Variants in LRRC7 observed in about 807,000 individuals in gnomAD.
The protein encoded by LRRC7 is leucine-rich repeat-containing protein 7.
A neutral mutation model predicts 175.7 loss-of-function variants in LRRC7; 23 were observed. The observed-to-expected ratio is 0.13, with a 90% CI of 0.09 to 0.19. The LOEUF is 0.19. Ranked by LOEUF, LRRC7 falls within the 10% of genes least tolerant of loss-of-function variation. LRRC7 has a pLI of 1.00. For missense variants in LRRC7, 1,354 were observed against 1,904.7 expected (o/e 0.71, Z 5.38); for synonymous variants, 685 against 680.9 (o/e 1.01, Z -0.09).
At chr1:69,930,285 TAC>T (rs1647245605) in intron 7 of LRRC7, among the ~76,000 whole-genome samples, 1 of 152,020 alleles carries the variant, frequency 6.6e-6, no homozygotes, top group Non-Finnish European at 1.5e-5. Context: ...GAAGAAAGAG[TAC>T]ATAATTTTTT....
chr1:69,748,739 A>G (rs572724723), intron 2 of LRRC7, among the ~76,000 whole-genome samples: 43 of 152,262 alleles, frequency 2.8e-4, no homozygotes, highest in Non-Finnish European at 5.9e-4. Context: ...AATATATTCA[A>G]GGATCAGGTA....
intron 1 of LRRC7, among the ~76,000 whole-genome samples, chr1:69,639,083 G>C (rs1372989603): frequency 6.6e-6 from 1 of 151,650 alleles, no homozygotes; most frequent in Non-Finnish European, 1.5e-5. Flanking sequence ...TTTGTCAAAG[G>C]AGGAAAACTG....
chr1:70,038,204 G>A lies in LRRC7; in HGVS notation c.2380G>A (p.Asp794Asn). The A allele has an allele frequency of 6.2e-7, 1 of 1,614,110 alleles. No individual in the cohort carries two copies. Among genetic ancestry groups the A allele is most frequent in the South Asian group, 1.1e-5 (1 of 91,078 alleles). The stretch of plus-strand genomic sequence containing the variant: ...CCCAGGCAATATACCACAGCGTCCT[G>A]ACCGGCTGCCCATGAGTGATACTTT... The part of the protein sequence containing the change: ...VPPGNIPQRP[D>N]RLPMSDTFTD... The change falls in exon 21 of 27, where the codon GAC becomes AAC. Residue 794 changes from aspartate (D) to asparagine (N), a missense_variant. By Grantham distance (23) the Asp-to-Asn change is conservative. Around this residue, in one of 4 missense-constraint regions of LRRC7, gnomAD observed 1,032 missense variants for 1,227.2 expected, o/e 0.84. Transcript: ENST00000651989.
intron 10 of LRRC7, among the ~76,000 whole-genome samples, chr1:69,994,315 C>T (rs189168665): frequency 3.4e-4 from 51 of 152,194 alleles, no homozygotes; most frequent in Non-Finnish European, 4.9e-4. Flanking sequence ...GTATGTGGAG[C>T]TGTATGTTTT....
At chr1:69,844,880 TA>T (rs1301979510) in intron 7 of LRRC7, among the ~76,000 whole-genome samples, 7 of 152,146 alleles carry the variant, frequency 4.6e-5, no homozygotes, top group Admixed American at 3.3e-4. Context: ...AAAATAAAGA[TA>T]AAAACACTTT....
intron 7 of LRRC7, among the ~76,000 whole-genome samples, chr1:69,902,382 C>A (rs1290186699): frequency 6.6e-6 from 1 of 152,082 alleles, no homozygotes; most frequent in Non-Finnish European, 1.5e-5. Flanking sequence ...CCAGCCTGGG[C>A]AACGTGGTAA....
At chr1:69,677,192 T>C (rs1659874181) in intron 1 of LRRC7, among the ~76,000 whole-genome samples, 1 of 148,348 alleles carries the variant, frequency 6.7e-6, no homozygotes. Flanking sequence ...ATATTCTACA[T>C]ATATATACCC....
Position 69,568,448 on chromosome 1 carries a change from T to C in LRRC7, c.-192T>C, listed in dbSNP as rs1272436954. On this transcript the variant is annotated 5_prime_UTR_variant, in exon 1 of 27. It removes an upstream start codon present in the reference 5' UTR. Coordinates refer to ENST00000651989, the MANE Select transcript of LRRC7 (RefSeq NM_001370785.2). ...GTCCACCTGAAGGGCACTGGCATCA[T>C]GGTCTAACGTGGCACCTTCCTGGAT... 9.2e-6 allele frequency: 3 copies of C among 324,548 alleles called. No homozygotes were observed. Among genetic ancestry groups the C allele is most frequent in the East Asian group, 3.3e-4 (2 of 6,076 alleles). 20.1% of individuals were successfully genotyped at this position (324,548 alleles called of 1,614,324 possible).
At chr1:69,672,183 A>G (rs1659175983) in intron 1 of LRRC7, among the ~76,000 whole-genome samples, 1 of 152,130 alleles carries the variant, frequency 6.6e-6, no homozygotes, top group South Asian at 2.1e-4. Context: ...GCGTCCTATC[A>G]GGGTGGGGTG....
chr1:69,784,180 C>A (rs1024725407), intron 3 of LRRC7, among the ~76,000 whole-genome samples: 3 of 152,094 alleles, frequency 2.0e-5, no homozygotes, highest in African/African-American at 7.2e-5. Flanking sequence ...GATAAACACA[C>A]AAATCCAAAC....
chr1:69,680,884 G>A (rs922932965), intron 2 of LRRC7, among the ~76,000 whole-genome samples: 2 of 152,004 alleles, frequency 1.3e-5, no homozygotes, highest in Admixed American at 6.6e-5. Context: ...AATTAAGGGA[G>A]ATATTTATAT....
At chr1:69,662,829 G>A (rs1657678773) in intron 1 of LRRC7, among the ~76,000 whole-genome samples, 1 of 152,228 alleles carries the variant, frequency 6.6e-6, no homozygotes, top group Non-Finnish European at 1.5e-5. Flanking sequence ...CTGGTCTGGG[G>A]TTTGGTTCAC....
At chr1:70,078,698 C>T (rs933793726) in intron 24 of LRRC7, among the ~76,000 whole-genome samples, 3 of 151,994 alleles carry the variant, frequency 2.0e-5, no homozygotes, top group Non-Finnish European at 4.4e-5. Flanking sequence ...TCTTCCTGAG[C>T]GTCTGTTTCT....
intron 8 of LRRC7, among the ~76,000 whole-genome samples, chr1:69,977,375 G>A (rs1205437438): frequency 6.6e-6 from 1 of 152,012 alleles, no homozygotes; most frequent in Non-Finnish European, 1.5e-5. Context: ...TTAAAAAAAA[G>A]AAATACAAGC....
intron 10 of LRRC7, among the ~76,000 whole-genome samples, chr1:69,988,639 G>T (rs942257491): frequency 6.6e-6 from 1 of 152,132 alleles, no homozygotes; most frequent in Non-Finnish European, 1.5e-5. Context: ...TCTTTTCTGT[G>T]AAAAGGGACT....
rs1646405626 is a variant in LRRC7, at chr1:69,568,273, TC to T, written c.-365del. On this transcript the variant is annotated 5_prime_UTR_variant, in exon 1 of 27. Transcript: ENST00000651989. ...CTGGGGGCGGGGAGGGAGCTGCGCC[TC>T]CGCCACCGCCGCCGCCGCCGCCGCT... 4.8e-6 allele frequency: 1 copy of T among 209,044 alleles called. No homozygotes were observed. Among genetic ancestry groups the T allele is most frequent in the Admixed American group, 6.4e-5 (1 of 15,648 alleles). 12.9% of individuals were successfully genotyped at this position (209,044 alleles called of 1,614,324 possible). A position where few individuals can be genotyped will look rare whatever the true frequency, so the allele number is the denominator to read the frequency against.
chr1:70,018,705 T>C lies in LRRC7; in HGVS notation c.1321-14T>C, dbSNP rs1571030134. Reference sequence around the variant, plus strand: ...CAATTGTATTCATCTAATTTGTATGTTCTTTGCTTCTAGTCCAAAGCCCTT... The same window carrying C: ...CAATTGTATTCATCTAATTTGTATGCTCTTTGCTTCTAGTCCAAAGCCCTT... On this transcript the variant is annotated splice_polypyrimidine_tract_variant and intron_variant, in intron 14 of 26. Coordinates refer to ENST00000651989, the MANE Select transcript of LRRC7 (RefSeq NM_001370785.2). 6.3e-7 allele frequency: 1 copy of C among 1,584,626 alleles called. No individual in the cohort carries two copies. Among genetic ancestry groups the C allele is most frequent in the African/African-American group, 1.3e-5 (1 of 74,270 alleles).
At chr1:69,631,001 T>C (rs1652407168) in intron 1 of LRRC7, among the ~76,000 whole-genome samples, 2 of 152,158 alleles carry the variant, frequency 1.3e-5, no homozygotes, top group African/African-American at 4.8e-5. Context: ...TTGTGTACAT[T>C]GACTGCCTGC....
chr1:69,675,862 G>A (rs1230512836), intron 1 of LRRC7, among the ~76,000 whole-genome samples: 1 of 151,818 alleles, frequency 6.6e-6, no homozygotes, highest in African/African-American at 2.4e-5. Context: ...TTGGTTTCCT[G>A]TCGCTGTATT....
Sources: gnomAD v4.1 joint callset for allele counts (sites outside exome capture counted in the v4.1 genomes callset) on GRCh38, gnomAD v4.1.1 for gene constraint, gnomAD v4.1.1 regional missense constraint, MANE v1.5 for transcripts, NCBI Gene and HGNC (gene_info 2026-07-23, HGNC 2026-07-21) for gene names.